The following RIMS2 variants were observed in gnomAD, a reference collection of about 807,000 sequenced individuals.
RIMS2 encodes regulating synaptic membrane exocytosis 2.
Under a neutral mutation model 174.4 loss-of-function variants are expected in RIMS2, and 59 were observed. The ratio of observed to expected loss-of-function variants is 0.34; its 90% CI spans 0.27 to 0.42. RIMS2 has a LOEUF of 0.42. Ranked by LOEUF, RIMS2 falls within the 10% of genes least tolerant of loss-of-function variation. RIMS2 has a pLI of 1.00. For missense variants in RIMS2, 1,620 were observed against 1,666.3 expected (o/e 0.97, Z 0.48); for synonymous variants, 606 against 572.5 (o/e 1.06, Z -0.84).
intron 1 of RIMS2, among the ~76,000 whole-genome samples, chr8:103,679,072 C>A (rs1455970647): frequency 6.6e-6 from 1 of 151,952 alleles, no homozygotes; most frequent in Non-Finnish European, 1.5e-5. Flanking sequence ...TGGAAGAAGT[C>A]ATTTTACAAA....
At chr8:103,537,499 A>G (rs1283863362) in intron 1 of RIMS2, among the ~76,000 whole-genome samples, 1 of 152,330 alleles carries the variant, frequency 6.6e-6, no homozygotes, top group Non-Finnish European at 1.5e-5. Flanking sequence ...CTGTTCTACC[A>G]GGACAGCAAT....
chr8:103,807,419 T>G (rs928402830), intron 3 of RIMS2, among the ~76,000 whole-genome samples: 1 of 151,958 alleles, frequency 6.6e-6, no homozygotes, highest in Non-Finnish European at 1.5e-5. Flanking sequence ...TGCTAGAAAA[T>G]TGATTAGTAT....
intron 11 of RIMS2, among the ~76,000 whole-genome samples, chr8:103,928,389 T>A (rs2079194790): frequency 6.6e-6 from 1 of 151,504 alleles, no homozygotes; most frequent in Non-Finnish European, 1.5e-5. Flanking sequence ...AAGGTTCAGT[T>A]TTTGGAAAGT....
intron 2 of RIMS2, among the ~76,000 whole-genome samples, chr8:103,705,220 G>A (rs918244242): frequency 3.3e-5 from 5 of 151,896 alleles, no homozygotes; most frequent in African/African-American, 1.2e-4. Flanking sequence ...TTATTCACAA[G>A]CATGTTGTTT....
At chr8:103,759,839 AGTCT>A (rs1336071795) in intron 2 of RIMS2, among the ~76,000 whole-genome samples, 4 of 152,166 alleles carry the variant, frequency 2.6e-5, no homozygotes, top group African/African-American at 9.7e-5. Context: ...GAGAAGTGCA[AGTCT>A]GTCTAAGTTG....
At chr8:103,753,082 A>G (rs1451440018) in intron 2 of RIMS2, among the ~76,000 whole-genome samples, 4 of 152,060 alleles carry the variant, frequency 2.6e-5, no homozygotes, top group Non-Finnish European at 5.9e-5. Flanking sequence ...TGTCATAGAT[A>G]GCTCTTCTTA....
At chr8:103,906,762 T>C (rs2074505552) in intron 4 of RIMS2, among the ~76,000 whole-genome samples, 1 of 152,210 alleles carries the variant, frequency 6.6e-6, no homozygotes, top group African/African-American at 2.4e-5. Flanking sequence ...TTCTACTGTT[T>C]TATCTCTAGT....
At chr8:103,505,700 AGT>A (rs1273771049) in intron 1 of RIMS2, among the ~76,000 whole-genome samples, 1 of 152,136 alleles carries the variant, frequency 6.6e-6, no homozygotes, top group African/African-American at 2.4e-5. Context: ...TTGTAGAGGA[AGT>A]GTGTATAAGT....
At chr8:103,690,330 C>T (rs1363735030) in intron 1 of RIMS2, among the ~76,000 whole-genome samples, 2 of 151,982 alleles carry the variant, frequency 1.3e-5, no homozygotes, top group African/African-American at 4.8e-5. Flanking sequence ...TTACTCCTGC[C>T]ATTTTGTTTT....
intron 19 of RIMS2, among the ~76,000 whole-genome samples, chr8:104,073,535 G>A (rs1195661007): frequency 2.0e-5 from 3 of 152,036 alleles, no homozygotes; most frequent in Non-Finnish European, 4.4e-5. Flanking sequence ...TCCTATTATA[G>A]CAGTTATATC....
chr8:103,972,527 T>C (rs1177990328), intron 15 of RIMS2, among the ~76,000 whole-genome samples: 1 of 152,138 alleles, frequency 6.6e-6, no homozygotes, highest in Non-Finnish European at 1.5e-5. Context: ...AATGCCACAA[T>C]GTTTGCAATA....
intron 3 of RIMS2, chr8:103,819,385 A>G: frequency 6.4e-7 from 1 of 1,558,296 alleles, no homozygotes; most frequent in African/African-American, 1.4e-5. Flanking sequence ...CACAGTTTTT[A>G]CAGAGCTCAG....
intron 5 of RIMS2, among the ~76,000 whole-genome samples, chr8:103,911,667 G>GA (rs2075694764): frequency 6.6e-6 from 1 of 152,142 alleles, no homozygotes; most frequent in Non-Finnish European, 1.5e-5. Context: ...ATTTTTAAAT[G>GA]AATTCACTTG....
At chr8:104,180,650 A>T (rs546886543) in intron 19 of RIMS2, among the ~76,000 whole-genome samples, 1 of 151,808 alleles carries the variant, frequency 6.6e-6, no homozygotes, top group South Asian at 2.1e-4. Context: ...GTTGCTTTGT[A>T]GTTCTTTGAA....
intron 19 of RIMS2, among the ~76,000 whole-genome samples, chr8:104,152,049 T>C (rs1258709007): frequency 6.6e-6 from 1 of 152,192 alleles, no homozygotes; most frequent in African/African-American, 2.4e-5. Flanking sequence ...CATATATCTT[T>C]CTTTGATTGT....
chr8:103,933,288 G>GACACGC (rs1554995734), intron 12 of RIMS2, among the ~76,000 whole-genome samples: 2 of 119,706 alleles, frequency 1.7e-5, no homozygotes, highest in Non-Finnish European at 1.7e-5. Context: ...TCGAGACTCT[G>GACACGC]ACACACACAC....
downstream of RIMS2, chr8:104,253,783 G>A (rs574587204): frequency 3.3e-5 from 5 of 152,032 alleles, no homozygotes; most frequent in African/African-American, 1.2e-4. Context: ...TTAAATTAAG[G>A]CCATGCACAA....
At chr8:103,846,607 GTGCACTATCCAGATAA>G (rs1167143795) in intron 3 of RIMS2, among the ~76,000 whole-genome samples, 3 of 152,152 alleles carry the variant, frequency 2.0e-5, no homozygotes. Flanking sequence ...TGGAAGATGA[GTGCACTATCCAGATAA>G]AGGAGATTTG....
intron 19 of RIMS2, among the ~76,000 whole-genome samples, chr8:104,143,141 T>C (rs1296331462): frequency 6.6e-6 from 1 of 152,246 alleles, no homozygotes; most frequent in African/African-American, 2.4e-5. Context: ...TCAGAGACTA[T>C]GTCATATCAT....
Sources: gnomAD v4.1 joint callset for allele counts (sites outside exome capture counted in the v4.1 genomes callset) on GRCh38, gnomAD v4.1.1 for gene constraint, MANE v1.5 for transcripts, NCBI Gene and HGNC (gene_info 2026-07-23, HGNC 2026-07-21) for gene names.